Variants in VPS13B observed in about 807,000 individuals in gnomAD.
The protein encoded by VPS13B is intermembrane lipid transfer protein VPS13B.
VPS13B carries 285 observed loss-of-function variants against 426.4 expected under a neutral mutation model. The ratio of observed to expected loss-of-function variants is 0.67; its 90% CI spans 0.61 to 0.74. The LOEUF (loss-of-function observed/expected upper bound fraction) is 0.74. Among genes scored for constraint, VPS13B ranks in the 30% least tolerant of loss-of-function variants. VPS13B has a pLI of 0.00. For synonymous variants in VPS13B, 1,676 were observed against 1,676.4 expected (o/e 1.00, Z 0.01); for missense variants, 4,537 against 4,782.6 (o/e 0.95, Z 1.51).
chr8:99,403,510 C>T (rs1483275116), intron 21 of VPS13B, among the ~76,000 whole-genome samples: 7 of 148,894 alleles, frequency 4.7e-5, no homozygotes, highest in African/African-American at 7.5e-5. Flanking sequence ...GATTGCGTCA[C>T]TGCACTCCAA....
At chr8:99,408,814 A>G (rs1815467147) in intron 21 of VPS13B, among the ~76,000 whole-genome samples, 1 of 152,130 alleles carries the variant, frequency 6.6e-6, no homozygotes, top group Non-Finnish European at 1.5e-5. Flanking sequence ...TGGTCTGGAG[A>G]ATGAAGAATT....
At chr8:99,319,888 GT>G (rs1809880705) in intron 19 of VPS13B, among the ~76,000 whole-genome samples, 1 of 152,084 alleles carries the variant, frequency 6.6e-6, no homozygotes, top group Non-Finnish European at 1.5e-5. Context: ...CGTATTTTAG[GT>G]ACCTGACATG....
chr8:99,291,934 T>G (rs1354013580), intron 19 of VPS13B, among the ~76,000 whole-genome samples: 2 of 152,152 alleles, frequency 1.3e-5, no homozygotes. Flanking sequence ...AAGGTAATTT[T>G]TCCTCTACAG....
intron 33 of VPS13B, among the ~76,000 whole-genome samples, chr8:99,591,932 T>C (rs1376947665): frequency 6.6e-6 from 1 of 152,192 alleles, no homozygotes; most frequent in Non-Finnish European, 1.5e-5. Flanking sequence ...TCCTGGATAA[T>C]ATCCTGAAGA....
intron 55 of VPS13B, among the ~76,000 whole-genome samples, chr8:99,852,947 G>A (rs139053892): frequency 1.8e-3 from 268 of 152,240 alleles, no homozygotes; most frequent in African/African-American, 5.7e-3. Context: ...GGTGCACTTT[G>A]GAGAGGGGTT....
chr8:99,314,006 G>C (rs1821169354), intron 19 of VPS13B, among the ~76,000 whole-genome samples: 1 of 152,176 alleles, frequency 6.6e-6, no homozygotes. Context: ...CATTTGCTAA[G>C]ACCGTTGGAA....
chr8:99,192,846 T>C, intron 16 of VPS13B, 30 bp from the exon 17 acceptor site: 1 of 1,610,258 alleles, frequency 6.2e-7, no homozygotes, highest in Non-Finnish European at 8.5e-7. Flanking sequence ...CTATTTACTG[T>C]ATTGCGATTC....
intron 36 of VPS13B, among the ~76,000 whole-genome samples, chr8:99,700,365 T>G (rs1050172005): frequency 1.3e-5 from 2 of 152,242 alleles, no homozygotes; most frequent in Non-Finnish European, 2.9e-5. Flanking sequence ...TGCAAAACTC[T>G]GGGCATGGAG....
chr8:99,397,864 T>C (rs1044545941), intron 21 of VPS13B, among the ~76,000 whole-genome samples: 2 of 152,202 alleles, frequency 1.3e-5, no homozygotes, highest in African/African-American at 4.8e-5. Context: ...AGAAGCTAGT[T>C]ACATGGTCCT....
intron 23 of VPS13B, among the ~76,000 whole-genome samples, chr8:99,443,521 A>G (rs1817773693): frequency 6.6e-6 from 1 of 152,190 alleles, no homozygotes; most frequent in South Asian, 2.1e-4. Flanking sequence ...GTCCTTAATA[A>G]CATGAATACT....
intron 8 of VPS13B, among the ~76,000 whole-genome samples, chr8:99,128,086 T>C (rs954393062): frequency 7.2e-5 from 11 of 152,036 alleles, no homozygotes; most frequent in African/African-American, 4.8e-5. Context: ...GCTCATTAAG[T>C]GGTAATTTTA....
intron 30 of VPS13B, among the ~76,000 whole-genome samples, chr8:99,522,471 G>A (rs1374567611): frequency 6.6e-6 from 1 of 151,700 alleles, no homozygotes; most frequent in Admixed American, 6.6e-5. Flanking sequence ...GTTTTTTTAG[G>A]GTTTCCTTCT....
intron 19 of VPS13B, chr8:99,341,752 C>A (rs1811262364): frequency 2.6e-6 from 1 of 391,582 alleles, no homozygotes; most frequent in Non-Finnish European, 5.3e-6. Flanking sequence ...CCACCAATAA[C>A]ATCAGCAATC....
Position 99,364,741 on chromosome 8 carries a change from T to C in VPS13B, c.2825-19467T>C, listed in dbSNP as rs528056927. Among the ~76,000 whole-genome samples, 21 of 152,292 alleles carry C rather than the reference T, an allele frequency of 1.4e-4. No individual in the cohort carries two copies. In the East Asian group the frequency reaches 3.5e-3, roughly 25 times the overall value. ...AGCCACTGCGCCCGTTGTAGTTTTC[T>C]TTTTTTGATGTGTCTTTGTCTGGTT... On this transcript the variant is annotated intron_variant, in intron 19 of 61. Coordinates refer to ENST00000357162, the MANE Select transcript of VPS13B (RefSeq NM_152564.5).
intron 25 of VPS13B, among the ~76,000 whole-genome samples, chr8:99,486,377 C>G (rs3103103): frequency 0.17 from 26,472 of 151,982 alleles, 2,826 homozygotes; most frequent in East Asian, 0.39. Flanking sequence ...AGGCGCCTGC[C>G]ACCACTCCTG....
At chr8:99,291,246 G>A (rs1032288154) in intron 19 of VPS13B, among the ~76,000 whole-genome samples, 2 of 152,006 alleles carry the variant, frequency 1.3e-5, no homozygotes, top group African/African-American at 2.4e-5. Context: ...AGAGCTGGGT[G>A]GACAATAAAA....
At chr8:99,695,526 T>C (rs1831929907) in intron 35 of VPS13B, among the ~76,000 whole-genome samples, 1 of 113,804 alleles carries the variant, frequency 8.8e-6, no homozygotes, top group Admixed American at 1.1e-4. Context: ...GGAAGGGGAA[T>C]ATCACACTCT....
At chr8:99,765,714 T>C (rs540059708) in intron 39 of VPS13B, among the ~76,000 whole-genome samples, 4 of 152,356 alleles carry the variant, frequency 2.6e-5, no homozygotes, top group Non-Finnish European at 5.9e-5. Context: ...TCTGTGATTA[T>C]GTATCATTTT....
intron 3 of VPS13B, among the ~76,000 whole-genome samples, chr8:99,087,841 A>G (rs1171553267): frequency 2.0e-5 from 3 of 152,056 alleles, no homozygotes; most frequent in Non-Finnish European, 4.4e-5. Context: ...TCCTGTGCAC[A>G]TATATAATTG....
Sources: gnomAD v4.1 joint callset for allele counts (sites outside exome capture counted in the v4.1 genomes callset) on GRCh38, gnomAD v4.1.1 for gene constraint, MANE v1.5 for transcripts, NCBI Gene and HGNC (gene_info 2026-07-23, HGNC 2026-07-21) for gene names.